The following PGBD5 variants were observed in gnomAD, a reference collection of about 807,000 sequenced individuals.
The protein encoded by PGBD5 is piggyBac transposable element derived 5.
PGBD5 carries 14 observed loss-of-function variants against 47.9 expected under a neutral mutation model. The ratio of observed to expected loss-of-function variants is 0.29; its 90% CI spans 0.19 to 0.46. The LOEUF is 0.46. Ranked by LOEUF, PGBD5 falls within the 20% of genes least tolerant of loss-of-function variation. PGBD5 has a pLI of 1.00. For missense variants in PGBD5, 635 were observed against 716.0 expected (o/e 0.89, Z 1.29); for synonymous variants, 316 against 306.3 (o/e 1.03, Z -0.33).
At chr1:230,355,672 C>G (rs149882901) in intron 2 of PGBD5, among the ~76,000 whole-genome samples, 1 of 152,272 alleles carries the variant, frequency 6.6e-6, no homozygotes, top group African/African-American at 2.4e-5. Context: ...CATCTGGCTG[C>G]CCCATCAATA....
At position 230,319,552 on chromosome 1, in the gene PGBD5, C is replaced by G. The variant is rs1198776142; in HGVS notation, c.*3873G>C. The stretch of plus-strand genomic sequence containing the variant: ...CCTGATGCTTGGTGACCCCCCCTCA[C>G]TGTTGGGGGGGCTGAGCCTGGGTCC... On this transcript the variant is annotated 3_prime_UTR_variant, in exon 7 of 7. Coordinates refer to ENST00000391860, the MANE Select transcript of PGBD5 (RefSeq NM_001258311.2). 6.6e-6 allele frequency: 1 copy of G among 152,148 alleles called. No individual in the cohort carries two copies. Among genetic ancestry groups the G allele is most frequent in the Non-Finnish European group, 1.5e-5 (1 of 68,098 alleles). The allele number at this position is 152,148 out of a possible 1,614,324, so 9.4% of individuals were successfully genotyped here.
chr1:230,369,651 T>C (rs1478936536), intron 1 of PGBD5, among the ~76,000 whole-genome samples: 2 of 151,854 alleles, frequency 1.3e-5, no homozygotes, highest in Admixed American at 1.3e-4. Context: ...AGGGAGAGTG[T>C]GTGTCACAAT....
In PGBD5 at chr1:230,315,955, T is replaced by C. The variant is rs1215392274; in HGVS notation, c.*7470A>G. On this transcript the variant is annotated 3_prime_UTR_variant, in exon 7 of 7. Transcript: ENST00000391860. Reference sequence around the variant, plus strand: ...ACATATATGTATGTGTATACATACATAAGTATATGTGTACACATATATGTA... The same window carrying C: ...ACATATATGTATGTGTATACATACACAAGTATATGTGTACACATATATGTA... The C allele has an allele frequency of 7.9e-6, 1 of 125,830 alleles. No homozygotes were observed. The highest frequency in any genetic ancestry group is 2.8e-5 in the African/African-American group (1 of 35,662). The allele number at this position is 125,830 out of a possible 1,614,324, so 7.8% of individuals were successfully genotyped here.
At chr1:230,378,828 A>G (rs1668052000) in intron 1 of PGBD5, among the ~76,000 whole-genome samples, 2 of 152,172 alleles carry the variant, frequency 1.3e-5, no homozygotes, top group South Asian at 4.1e-4. Context: ...AGTCTTCTCA[A>G]TAACCCTATG....
At chr1:230,414,069 T>C (rs1348587362) in intron 1 of PGBD5, among the ~76,000 whole-genome samples, 2 of 152,152 alleles carry the variant, frequency 1.3e-5, no homozygotes, top group East Asian at 1.9e-4. Context: ...GCATGTGACT[T>C]AGGTTAGTCG....
intron 1 of PGBD5, among the ~76,000 whole-genome samples, chr1:230,390,584 T>A (rs1210408255): frequency 6.6e-6 from 1 of 152,114 alleles, no homozygotes; most frequent in Non-Finnish European, 1.5e-5. Flanking sequence ...CAGAATCACA[T>A]GTAGCATCTC....
At chr1:230,422,752 G>A (rs1018766112) in intron 1 of PGBD5, among the ~76,000 whole-genome samples, 4 of 152,124 alleles carry the variant, frequency 2.6e-5, no homozygotes, top group Non-Finnish European at 4.4e-5. Context: ...GAAGGAAAGG[G>A]CTGGGAAGAC....
chr1:230,425,637 G>A lies in PGBD5; in HGVS notation c.292C>T (p.Leu98=). Residue 98 remains leucine, a synonymous_variant, in exon 1 of 7, where the codon CTG becomes TTG. Coordinates refer to ENST00000391860, the MANE Select transcript of PGBD5 (RefSeq NM_001258311.2). This position sits in a 1 kb window ranked among gnomAD's most constrained non-coding sequence, Gnocchi z 4.7. ...DEAGAGWSAA[L]RDRPPPRFED... ...AAGCGCGGGGGCGGGCGGTCCCGCAGCGCTGCGCTCCAGCCCGCGCCGGCC... is the reference window on the plus strand; with the variant it reads ...AAGCGCGGGGGCGGGCGGTCCCGCAACGCTGCGCTCCAGCCCGCGCCGGCC... The A allele has an allele frequency of 3.3e-6, 4 of 1,220,822 alleles. No individual in the cohort carries two copies. Among genetic ancestry groups the A allele is most frequent in the Non-Finnish European group, 4.1e-6 (4 of 980,942 alleles). 75.6% of individuals were successfully genotyped at this position (1,220,822 alleles called of 1,614,324 possible). A position where few individuals can be genotyped will look rare whatever the true frequency, so the allele number is the denominator to read the frequency against.
At chr1:230,356,710 C>T (rs1369931253) in intron 2 of PGBD5, among the ~76,000 whole-genome samples, 184 bp downstream of exon 2, 2 of 152,232 alleles carry the variant, frequency 1.3e-5, no homozygotes, top group Non-Finnish European at 2.9e-5. Flanking sequence ...ATTATTATTA[C>T]TCCCCTCCGA....
chr1:230,400,879 A>G (rs1188194425), intron 1 of PGBD5, among the ~76,000 whole-genome samples: 2 of 152,244 alleles, frequency 1.3e-5, no homozygotes, highest in Non-Finnish European at 2.9e-5. Flanking sequence ...TTCAATGTTC[A>G]CAACTGCCTT....
chr1:230,395,108 C>T (rs1359702125), intron 1 of PGBD5, among the ~76,000 whole-genome samples: 7 of 57,630 alleles, frequency 1.2e-4, no homozygotes, highest in Non-Finnish European at 2.1e-4. Context: ...AGCTCCTCTC[C>T]CTCCCTCCTC....
At chr1:230,413,721 G>T (rs1407649791) in intron 1 of PGBD5, among the ~76,000 whole-genome samples, 1 of 152,046 alleles carries the variant, frequency 6.6e-6, no homozygotes, top group East Asian at 1.9e-4. Context: ...CTCCTGCTGG[G>T]TGTTCCCTTA....
chr1:230,324,255 A>G (rs1667082208), intron 6 of PGBD5, among the ~76,000 whole-genome samples: 1 of 152,208 alleles, frequency 6.6e-6, no homozygotes, highest in Non-Finnish European at 1.5e-5. Flanking sequence ...TATCCTCAAT[A>G]TCTCACTATG....
chr1:230,367,142 C>T (rs528923553), intron 1 of PGBD5, among the ~76,000 whole-genome samples: 29 of 152,148 alleles, frequency 1.9e-4, no homozygotes, highest in African/African-American at 6.3e-4. Context: ...CCAGCTACAC[C>T]CTCTGTAGCT....
intron 1 of PGBD5, among the ~76,000 whole-genome samples, chr1:230,400,324 C>T (rs577603001): frequency 5.9e-5 from 9 of 152,172 alleles, no homozygotes; most frequent in East Asian, 1.9e-4. Flanking sequence ...CTGCAACAGA[C>T]GCCTTCCACC....
rs552793978 is a variant in PGBD5, at chr1:230,372,962, T to C, written c.332-15641A>G. Among the ~76,000 whole-genome samples, 56 of 152,264 alleles carry C rather than the reference T, an allele frequency of 3.7e-4. No individual in the cohort carries two copies. In the South Asian group the frequency reaches 6.0e-3, roughly 16 times the overall value. ...GTCTAACTCTGCAGCTCTGCCAAGATCTTGACGGAGAATGAAACACCAGTA... is the reference window on the plus strand; with the variant it reads ...GTCTAACTCTGCAGCTCTGCCAAGACCTTGACGGAGAATGAAACACCAGTA... On this transcript the variant is annotated intron_variant, in intron 1 of 6. Coordinates refer to ENST00000391860, the MANE Select transcript of PGBD5 (RefSeq NM_001258311.2).
chr1:230,422,126 A>T (rs868120182), intron 1 of PGBD5, among the ~76,000 whole-genome samples: 25 of 151,984 alleles, frequency 1.6e-4, no homozygotes, highest in Admixed American at 2.6e-4. Context: ...ATATATATAT[A>T]TTTTTCCCTC....
chr1:230,399,700 C>A (rs1657087609), intron 1 of PGBD5, among the ~76,000 whole-genome samples: 1 of 152,140 alleles, frequency 6.6e-6, no homozygotes, highest in Admixed American at 6.5e-5. Flanking sequence ...GGCTGAAGGA[C>A]CCCCGCAGAC....
At chr1:230,349,746 T>C (rs550330669) in intron 3 of PGBD5, among the ~76,000 whole-genome samples, 2 of 152,026 alleles carry the variant, frequency 1.3e-5, no homozygotes, top group African/African-American at 2.4e-5. Context: ...AAAGGCACTA[T>C]AGAGATGGCA....
Sources: allele counts gnomAD v4.1 joint callset (sites outside exome capture counted in the v4.1 genomes callset), GRCh38; gene constraint gnomAD v4.1.1; non-coding constraint Gnocchi (gnomAD v3.1); transcripts MANE v1.5; gene names NCBI Gene and HGNC (gene_info 2026-07-23, HGNC 2026-07-21).